Variants in MAPK12 observed in about 807,000 individuals in gnomAD.
MAPK12 encodes the protein MAP kinase 12.
A neutral mutation model predicts 49.1 loss-of-function variants in MAPK12; 49 were observed. That is an observed-to-expected ratio of 1.00 (90% CI 0.79 to 1.27). The LOEUF (loss-of-function observed/expected upper bound fraction) is 1.27, where lower values mean the gene tolerates loss of function less well. MAPK12 is among the 50% of genes most tolerant of loss of function. The pLI, the probability that MAPK12 is intolerant of heterozygous loss-of-function variation, is 0.00. For missense variants in MAPK12, 554 were observed against 502.4 expected, an observed-to-expected ratio of 1.10 and a Z score of -0.98; for synonymous variants, 251 against 209.7, an observed-to-expected ratio of 1.20 and a Z score of -1.70.
Position 50,253,372 on chromosome 22 carries a change from C to T in MAPK12, c.*29G>A. On this transcript the variant is annotated 3_prime_UTR_variant, in exon 12 of 12. Coordinates refer to ENST00000215659, the MANE Select transcript of MAPK12 (RefSeq NM_002969.6). Reference sequence around the variant, plus strand: ...TCTCAGGTGGAAGGTGAAGGTGGTCCTCACTGCCACCCCGGAGCCCAGAGA... The same window carrying T: ...TCTCAGGTGGAAGGTGAAGGTGGTCTTCACTGCCACCCCGGAGCCCAGAGA... The T allele has an allele frequency of 2.0e-6, 3 of 1,516,270 alleles. No homozygotes were observed. The highest frequency in any genetic ancestry group is 2.7e-6 in the Non-Finnish European group (3 of 1,117,670). 93.9% of individuals were successfully genotyped at this position (1,516,270 alleles called of 1,614,324 possible). A position where few individuals can be genotyped will look rare whatever the true frequency, so the allele number is the denominator to read the frequency against.
At position 50,253,499 on chromosome 22, in the gene MAPK12, C is replaced by CGGGGGGGG; in HGVS notation, c.1025-20_1025-19insCCCCCCCC. The CGGGGGGGG allele has an allele frequency of 3.0e-6, 2 of 660,034 alleles. No individual in the cohort carries two copies. Among genetic ancestry groups the CGGGGGGGG allele is most frequent in the Non-Finnish European group, 2.1e-6 (1 of 486,420 alleles). The allele number at this position is 660,034 out of a possible 1,614,324, so 40.9% of individuals were successfully genotyped here. ...GTAACACCTGGCGGGGGTGGGGGGG[C>CGGGGGGGG]GGGCACAACAGAGAGGGGGGTCAGC... On this transcript the variant is annotated intron_variant, in intron 11 of 11. Transcript: ENST00000215659.
chr22:50,260,954 G>T, intron 2 of MAPK12: 1 of 495,610 alleles, frequency 2.0e-6, no homozygotes, highest in African/African-American at 2.1e-5. Flanking sequence ...GTCCTTCCCG[G>T]GGCTGGCGGA....
At chr22:50,259,343 G>A (rs1357308057) in intron 2 of MAPK12, among the ~76,000 whole-genome samples, 1 of 152,094 alleles carries the variant, frequency 6.6e-6, no homozygotes, top group Non-Finnish European at 1.5e-5. Context: ...TGTGGGCTAG[G>A]GGCCACAGGA....
intron 6 of MAPK12, 89 bp downstream of exon 6, chr22:50,256,510 C>G: frequency 6.6e-7 from 1 of 1,507,056 alleles, no homozygotes; most frequent in Non-Finnish European, 8.9e-7. Context: ...GGACCTTGGC[C>G]CCCTGCCCAG....
At chr22:50,254,308 T>G (rs2065126401) in intron 11 of MAPK12, 1 of 152,984 alleles carries the variant, frequency 6.5e-6, no homozygotes, top group Admixed American at 6.5e-5. Flanking sequence ...GGCGAGGCCC[T>G]GGGGACTGTC....
chr22:50,261,429 G>A lies in MAPK12; in HGVS notation c.81C>T (p.Tyr27=), dbSNP rs1446155126. The part of the protein sequence containing the change: ...TKTAWEVRAV[Y]RDLQPVGSGA... ...CCGAGCCCACGGGCTGCAGGTCCCG[G>A]TACACGGCGCGCACCTCCCAGGCCG... The change falls in exon 1 of 12, where the codon TAC becomes TAT. Residue 27 remains tyrosine (Y), a synonymous_variant. Coordinates refer to ENST00000215659, the MANE Select transcript of MAPK12 (RefSeq NM_002969.6). 7.9e-7 allele frequency: 1 copy of A among 1,264,564 alleles called. No homozygotes were observed. Among genetic ancestry groups the A allele is most frequent in the Non-Finnish European group, 1.0e-6 (1 of 982,316 alleles). The allele number at this position is 1,264,564 out of a possible 1,614,324, so 78.3% of individuals were successfully genotyped here. A position where few individuals can be genotyped will look rare whatever the true frequency, so the allele number is the denominator to read the frequency against.
chr22:50,253,212 T>G lies in MAPK12; in HGVS notation c.*189A>C. On this transcript the variant is annotated 3_prime_UTR_variant, in exon 12 of 12. Coordinates refer to ENST00000215659, the MANE Select transcript of MAPK12 (RefSeq NM_002969.6). ...AGAGGTCTTGTCCAGAAAGTTCAGG[T>G]GCTCCTCCATGATGGGCGCCCAAGA... 3.2e-6 allele frequency: 2 copies of G among 634,204 alleles called. No individual in the cohort carries two copies. Among genetic ancestry groups the G allele is most frequent in the Non-Finnish European group, 2.9e-6 (1 of 348,302 alleles). The allele number at this position is 634,204 out of a possible 1,614,324, so 39.3% of individuals were successfully genotyped here. A position where few individuals can be genotyped will look rare whatever the true frequency, so the allele number is the denominator to read the frequency against.
intron 3 of MAPK12, 30 bp downstream of exon 3, chr22:50,258,213 G>C: frequency 6.2e-7 from 1 of 1,610,738 alleles, no homozygotes; most frequent in East Asian, 2.2e-5. Flanking sequence ...CACCCCTCGT[G>C]CCCAGCGGCC....
chr22:50,260,975 C>T (rs2272855), intron 2 of MAPK12, 192 bp downstream of exon 2: 293,210 of 568,544 alleles, frequency 0.52, 76,938 homozygotes, highest in African/African-American at 0.55. Flanking sequence ...GGATGGGGAA[C>T]GGCCCTTGGG....
intron 4 of MAPK12, 43 bp downstream of exon 4, chr22:50,257,039 G>C: frequency 6.2e-7 from 1 of 1,605,226 alleles, no homozygotes. Context: ...GCCCAGCCCC[G>C]AGGCCCTGCC....
chr22:50,256,833 G>A (rs1235104172), intron 5 of MAPK12, 102 bp downstream of exon 5: 9 of 1,539,404 alleles, frequency 5.8e-6, no homozygotes, highest in Non-Finnish European at 7.9e-6. Context: ...CATAGGGCGT[G>A]GCTCAGCACC....
chr22:50,256,921 C>T lies in MAPK12; in HGVS notation c.456+14G>A. The T allele has an allele frequency of 1.9e-6, 3 of 1,605,006 alleles. No homozygotes were observed. Among genetic ancestry groups the T allele is most frequent in the Non-Finnish European group, 2.5e-6 (3 of 1,177,612 alleles). On this transcript the variant is annotated intron_variant, in intron 5 of 11. Transcript: ENST00000215659. ...GGGGGAGGGCTGATGAGCGGCTTCT[C>T]CACCGGGACTCACTCTGTGGATGAT...
chr22:50,257,624 T>TG (rs1369680805), intron 3 of MAPK12: 12 of 561,428 alleles, frequency 2.1e-5, no homozygotes, highest in Non-Finnish European at 2.9e-5. Context: ...CTGGGGGCGA[T>TG]GGGGGCGCGG....
chr22:50,255,702 G>C lies in MAPK12; in HGVS notation c.692-8C>G, dbSNP rs200701475. 1.3e-5 allele frequency: 21 copies of C among 1,608,746 alleles called. No individual in the cohort carries two copies. The highest frequency in any genetic ancestry group is 2.7e-5 in the African/African-American group (2 of 74,784). ...CCTTCAGCTGGTCCAGGTCTGCACCGAGGTCAGGAACACAGCTCGGGGGCC... is the reference window on the plus strand; with the variant it reads ...CCTTCAGCTGGTCCAGGTCTGCACCCAGGTCAGGAACACAGCTCGGGGGCC... On this transcript the variant is annotated splice_region_variant and splice_polypyrimidine_tract_variant and intron_variant, in intron 8 of 11. Coordinates refer to ENST00000215659, the MANE Select transcript of MAPK12 (RefSeq NM_002969.6).
intron 2 of MAPK12, among the ~76,000 whole-genome samples, chr22:50,259,095 C>T (rs1427135514): frequency 6.6e-6 from 1 of 152,146 alleles, no homozygotes. Flanking sequence ...TAAATGGGGA[C>T]GTGAGGCTAA....
Position 50,255,596 on chromosome 22 carries a change from C to G in MAPK12, c.771+19G>C, listed in dbSNP as rs1314310739. On this transcript the variant is annotated intron_variant, in intron 9 of 11. Coordinates refer to ENST00000215659, the MANE Select transcript of MAPK12 (RefSeq NM_002969.6). ...CAGGTCCGCCCCCACCCCCACCCAG[C>G]TCCCCACTCACCCCTTACCTCATCG... The G allele has an allele frequency of 6.5e-7, 1 of 1,545,500 alleles. No homozygotes were observed. The highest frequency in any genetic ancestry group is 8.9e-7 in the Non-Finnish European group (1 of 1,122,720).
Position 50,257,208 on chromosome 22 carries a change from G to C in MAPK12, c.315-15C>G. Reference sequence around the variant, plus strand: ...TCACCAGGTAACTGTGGGAGGGGCCGGAGCGCTGTCAGCGGACAGAGCCAG... The same window carrying C: ...TCACCAGGTAACTGTGGGAGGGGCCCGAGCGCTGTCAGCGGACAGAGCCAG... On this transcript the variant is annotated splice_polypyrimidine_tract_variant and intron_variant, in intron 3 of 11. Transcript: ENST00000215659. 1 of 1,600,284 alleles carries C rather than the reference G, an allele frequency of 6.2e-7. No individual in the cohort carries two copies.
rs1225286861 is a variant in MAPK12 at position 50,253,406 on chromosome 22, G to A, written c.1099C>T (p.Leu367=). The part of the protein sequence containing the change: ...LGARVSKETP[L] ...ACCCCGGAGCCCAGAGATCTTCACA[G>A]AGGCGTCTCCTTGGAGACCCTGGCC... The change falls in exon 12 of 12, where the codon CTG becomes TTG. Residue 367 remains leucine (L), a synonymous_variant. Coordinates refer to ENST00000215659, the MANE Select transcript of MAPK12 (RefSeq NM_002969.6). 2 of 1,549,024 alleles carry A rather than the reference G, an allele frequency of 1.3e-6. No individual in the cohort carries two copies. Among genetic ancestry groups the A allele is most frequent in the Non-Finnish European group, 1.7e-6 (2 of 1,146,164 alleles).
At chr22:50,253,517 G>GGGTCAGCCT (rs1230207554) in intron 11 of MAPK12, 37 bp from the exon 12 acceptor site, 4 of 950,278 alleles carry the variant, frequency 4.2e-6, no homozygotes, top group Non-Finnish European at 6.6e-6. Context: ...ACAGAGAGGG[G>GGGTCAGCCT]GGTCAGCCTT....
Sources: gnomAD v4.1 joint callset for allele counts (sites outside exome capture counted in the v4.1 genomes callset) on GRCh38, gnomAD v4.1.1 for gene constraint, MANE v1.5 for transcripts, NCBI Gene and HGNC (gene_info 2026-07-23, HGNC 2026-07-21) for gene names.